NTM: variants seen among roughly 807,000 people sequenced by gnomAD.
NTM encodes IgLON family member 2.
In NTM, 13 loss-of-function variants were observed where a neutral mutation model predicts 42.1. The ratio of observed to expected loss-of-function variants is 0.31; its 90% CI spans 0.20 to 0.49. NTM has a LOEUF of 0.49. Ranked by LOEUF, NTM falls within the 20% of genes least tolerant of loss-of-function variation. The pLI is 0.99. For synonymous variants in NTM, 187 were observed against 179.2 expected, an observed-to-expected ratio of 1.04 and a Z score of -0.35; for missense variants, 373 against 452.8, an observed-to-expected ratio of 0.82 and a Z score of 1.60.
intron 1 of NTM, among the ~76,000 whole-genome samples, chr11:131,577,788 T>C (rs2058061945): frequency 1.3e-5 from 2 of 152,214 alleles, no homozygotes; most frequent in Admixed American, 1.3e-4. Flanking sequence ...TTAATAGTGA[T>C]TTCCTACTGT....
chr11:132,306,776 C>T (rs1361479270), intron 4 of NTM, among the ~76,000 whole-genome samples: 1 of 152,126 alleles, frequency 6.6e-6, no homozygotes, highest in African/African-American at 2.4e-5. Context: ...GATGTAAGCC[C>T]TAACTTTTGT....
intron 1 of NTM, among the ~76,000 whole-genome samples, chr11:131,776,913 C>T (rs770835730): frequency 7.9e-5 from 12 of 152,176 alleles, no homozygotes; most frequent in South Asian, 2.1e-4. Flanking sequence ...TACTTCTGCT[C>T]GATCCCATTT....
chr11:131,751,451 G>A (rs974557027), intron 1 of NTM, among the ~76,000 whole-genome samples: 21 of 152,096 alleles, frequency 1.4e-4, no homozygotes, highest in African/African-American at 3.6e-4. Context: ...TTAGCCGGGC[G>A]CGGTGGCGGG....
intron 7 of NTM, among the ~76,000 whole-genome samples, chr11:132,322,082 A>G (rs1037149233): frequency 1.3e-5 from 2 of 152,210 alleles, no homozygotes; most frequent in African/African-American, 4.8e-5. Flanking sequence ...ACAGGCCAAA[A>G]TGTAAAGACC....
chr11:132,246,234 C>A (rs2139301018), intron 4 of NTM, among the ~76,000 whole-genome samples: 1 of 152,366 alleles, frequency 6.6e-6, no homozygotes, highest in East Asian at 1.9e-4. Context: ...GGTGGGACTC[C>A]TCCAAGCCTG....
intron 1 of NTM, among the ~76,000 whole-genome samples, chr11:131,881,505 CACA>C (rs1565671966): frequency 7.9e-5 from 12 of 151,032 alleles, no homozygotes; most frequent in African/African-American, 1.2e-4. Context: ...CACACACACA[CACA>C]CCCCCCAAAG....
chr11:131,955,272 C>A (rs1183347114), intron 2 of NTM, among the ~76,000 whole-genome samples: 2 of 152,090 alleles, frequency 1.3e-5, no homozygotes, highest in Non-Finnish European at 1.5e-5. Flanking sequence ...AAATGCCATG[C>A]CTTTGTTTTA....
chr11:131,653,101 G>A (rs962504914), intron 1 of NTM, among the ~76,000 whole-genome samples: 2 of 152,222 alleles, frequency 1.3e-5, no homozygotes, highest in African/African-American at 4.8e-5. Flanking sequence ...TCCTTCACCA[G>A]GTTCCCATGG....
At chr11:131,867,600 C>CTGTGTGTGTATGTATGCA (rs1264468208) in intron 1 of NTM, among the ~76,000 whole-genome samples, 5 of 150,480 alleles carry the variant, frequency 3.3e-5, no homozygotes, top group African/African-American at 1.2e-4. Flanking sequence ...GTACACATAC[C>CTGTGTGTGTATGTATGCA]TGTGTGTGTA....
intron 3 of NTM, among the ~76,000 whole-genome samples, chr11:132,202,616 T>A (rs1218254416): frequency 6.6e-6 from 1 of 152,220 alleles, no homozygotes; most frequent in Non-Finnish European, 1.5e-5. Flanking sequence ...AATAGGGCAC[T>A]TATGATTACA....
intron 1 of NTM, among the ~76,000 whole-genome samples, chr11:131,691,483 A>C (rs11827908): frequency 0.043 from 6,573 of 151,564 alleles, 471 homozygotes; most frequent in African/African-American, 0.15. Flanking sequence ...TGGACCCCAC[A>C]CCACCTTGCT....
intron 2 of NTM, among the ~76,000 whole-genome samples, chr11:132,039,723 C>T (rs1231068002): frequency 6.6e-6 from 1 of 152,094 alleles, no homozygotes; most frequent in Non-Finnish European, 1.5e-5. Flanking sequence ...GGCACCAAGG[C>T]AGGTGTGTGG....
rs934961722 is a variant in NTM, at chr11:132,336,010, C to T, written c.*864C>T. The T allele has an allele frequency of 3.9e-5, 6 of 152,538 alleles. No individual in the cohort carries two copies. Among genetic ancestry groups the T allele is most frequent in the East Asian group, 1.9e-4 (1 of 5,188 alleles). 9.4% of individuals were successfully genotyped at this position (152,538 alleles called of 1,614,324 possible). On this transcript the variant is annotated 3_prime_UTR_variant, in exon 9 of 9. Coordinates refer to ENST00000683400, the MANE Select transcript of NTM (RefSeq NM_001352005.2). ...TGGCATATCCACCAAAAAATGCATC[C>T]GATTTAACCAACATCTCCACCAGCG... is the stretch of plus-strand genomic sequence containing the variant.
intron 1 of NTM, among the ~76,000 whole-genome samples, chr11:131,374,225 G>A (rs1941643759): frequency 6.6e-6 from 1 of 152,226 alleles, no homozygotes; most frequent in Non-Finnish European, 1.5e-5. Flanking sequence ...CTTGAGGCAA[G>A]TTCCTGGCAA....
chr11:132,070,705 G>A (rs1459278385), intron 2 of NTM, among the ~76,000 whole-genome samples: 1 of 144,038 alleles, frequency 6.9e-6, no homozygotes, highest in African/African-American at 2.6e-5. Flanking sequence ...GACCATCACA[G>A]GTTAGTTAAC....
At chr11:132,276,196 T>C (rs2093721695) in intron 4 of NTM, among the ~76,000 whole-genome samples, 1 of 152,200 alleles carries the variant, frequency 6.6e-6, no homozygotes, top group Admixed American at 6.5e-5. Flanking sequence ...TGTGGCTGAA[T>C]AGTATTCCAT....
At chr11:132,334,947 T>G (rs1409105799) in intron 8 of NTM, 99 bp from the exon 9 acceptor site, 2 of 1,532,106 alleles carry the variant, frequency 1.3e-6, no homozygotes, top group African/African-American at 2.7e-5. Context: ...GAGGGATGAC[T>G]CACCAGGGGC....
chr11:132,304,428 C>G (rs1490374767), intron 4 of NTM, among the ~76,000 whole-genome samples: 1 of 150,632 alleles, frequency 6.6e-6, no homozygotes. Context: ...TTTTTTTTAC[C>G]CAATATGCTT....
chr11:131,588,004 G>T (rs763609953), intron 1 of NTM, among the ~76,000 whole-genome samples: 6 of 152,210 alleles, frequency 3.9e-5, no homozygotes, highest in South Asian at 2.1e-4. Context: ...TGTGTGGAAT[G>T]CTTGCTATGT....
Sources: gnomAD v4.1 joint callset for allele counts (sites outside exome capture counted in the v4.1 genomes callset) on GRCh38, gnomAD v4.1.1 for gene constraint, MANE v1.5 for transcripts, NCBI Gene and HGNC (gene_info 2026-07-23, HGNC 2026-07-21) for gene names.